The following AXIN1 variants were observed in gnomAD, a reference collection of about 807,000 sequenced individuals.
The protein encoded by AXIN1 is axin-1.
Under a neutral mutation model 76.4 loss-of-function variants are expected in AXIN1, and 30 were observed. The ratio of observed to expected loss-of-function variants is 0.39; its 90% CI spans 0.29 to 0.53. The LOEUF is 0.53. AXIN1 is among the 20% of genes least tolerant of loss of function. The pLI is 0.66. For missense variants in AXIN1, 1,140 were observed against 1,198.8 expected (o/e 0.95, Z 0.72); for synonymous variants, 545 against 501.4 (o/e 1.09, Z -1.16).
intron 2 of AXIN1, among the ~76,000 whole-genome samples, chr16:332,052 T>C (rs950245494): frequency 6.6e-6 from 1 of 152,134 alleles, no homozygotes; most frequent in Non-Finnish European, 1.5e-5. Flanking sequence ...CCACACCTCG[T>C]TAGGGGCTCG....
intron 2 of AXIN1, among the ~76,000 whole-genome samples, chr16:332,373 G>C (rs56364740): frequency 0.18 from 28,029 of 151,938 alleles, 2,970 homozygotes; most frequent in South Asian, 0.34. Flanking sequence ...ATCAGGAGAT[G>C]GAGACCATCC....
At chr16:305,718 G>C (rs1419363307) in intron 4 of AXIN1, among the ~76,000 whole-genome samples, 1 of 151,962 alleles carries the variant, frequency 6.6e-6, no homozygotes, top group Non-Finnish European at 1.5e-5. Flanking sequence ...TAATTTTTTT[G>C]TATTTTTAGT....
Position 293,535 on chromosome 16 carries a change from A to G in AXIN1, c.2139T>C (p.Arg713=), listed in dbSNP as rs2141485209. The G allele has an allele frequency of 6.2e-7, 1 of 1,610,976 alleles. No individual in the cohort carries two copies. Among genetic ancestry groups the G allele is most frequent in the Non-Finnish European group, 8.5e-7 (1 of 1,179,930 alleles). The change falls in exon 8 of 11, where the codon CGT becomes CGC. Residue 713 remains arginine, a synonymous_variant. Transcript: ENST00000262320. This position sits in a 1 kb window ranked among gnomAD's most constrained non-coding sequence, Gnocchi z 4.6. ...TGGCTCTCTTTTCTTCCTCCTCCAG[A>G]CGTCGGCGCGCCTCCTCCAGCTGGG... is the stretch of plus-strand genomic sequence containing the variant. ...PLTQLEEARR[R]LEEEEKRASR...
intron 8 of AXIN1, chr16:292,610 C>A (rs927319884): frequency 1.3e-5 from 2 of 152,224 alleles, no homozygotes; most frequent in Non-Finnish European, 1.5e-5. Flanking sequence ...TGAAGGCAAC[C>A]ATGGCCTCTG....
At chr16:299,459 C>A (rs1480334343) in intron 5 of AXIN1, among the ~76,000 whole-genome samples, 1 of 145,750 alleles carries the variant, frequency 6.9e-6, no homozygotes, top group East Asian at 2.1e-4. Context: ...CTCAAGCAAT[C>A]CTCCTGCCTC....
chr16:340,027 CTTT>C (rs1231102892), intron 2 of AXIN1, among the ~76,000 whole-genome samples: 6 of 151,788 alleles, frequency 4.0e-5, no homozygotes, highest in African/African-American at 7.3e-5. Flanking sequence ...TGGGCCCTTT[CTTT>C]TTCTTCTTCT....
At chr16:304,797 A>C (rs2052974760) in intron 4 of AXIN1, among the ~76,000 whole-genome samples, 1 of 152,118 alleles carries the variant, frequency 6.6e-6, no homozygotes, top group African/African-American at 2.4e-5. Flanking sequence ...AGCCTCCCAA[A>C]GTGCTGGGAT....
chr16:352,526 C>A lies in AXIN1; in HGVS notation c.-239G>T, dbSNP rs2054168516. 1.5e-6 allele frequency: 1 copy of A among 645,914 alleles called. No individual in the cohort carries two copies. Among genetic ancestry groups the A allele is most frequent in the Non-Finnish European group, 1.9e-6 (1 of 522,780 alleles). 40.0% of individuals were successfully genotyped at this position (645,914 alleles called of 1,614,324 possible). A position where few individuals can be genotyped will look rare whatever the true frequency, so the allele number is the denominator to read the frequency against. ...CGGCTGCGGCTCGGCGGCCCGGAGG[C>A]GGACGCGGGGCAGGCCGCGGGGGCG... On this transcript the variant is annotated 5_prime_UTR_variant, in exon 1 of 11. Transcript: ENST00000262320.
intron 4 of AXIN1, among the ~76,000 whole-genome samples, chr16:306,557 G>C (rs925230959): frequency 6.6e-6 from 1 of 152,220 alleles, no homozygotes; most frequent in Non-Finnish European, 1.5e-5. Context: ...TACACAATGA[G>C]AGTAGAAACA....
chr16:299,221 T>C (rs214247), intron 5 of AXIN1: 394,957 of 984,432 alleles, frequency 0.4, 81,171 homozygotes, highest in African/African-American at 0.62. Context: ...GAGCAAACAT[T>C]TGATCACTTT....
At chr16:308,608 G>A (rs1379421699) in intron 4 of AXIN1, among the ~76,000 whole-genome samples, 1 of 152,242 alleles carries the variant, frequency 6.6e-6, no homozygotes, top group African/African-American at 2.4e-5. Flanking sequence ...GCGGGTTCTT[G>A]ACGTTCAGGA....
intron 2 of AXIN1, among the ~76,000 whole-genome samples, chr16:325,136 G>A (rs1309039635): frequency 2.0e-5 from 3 of 151,960 alleles, no homozygotes; most frequent in Non-Finnish European, 4.4e-5. Flanking sequence ...GGAAACCATC[G>A]CCTCAGCCCC....
intron 1 of AXIN1, among the ~76,000 whole-genome samples, chr16:351,297 A>AG (rs756119169): frequency 4.6e-5 from 4 of 86,346 alleles, no homozygotes; most frequent in Non-Finnish European, 8.1e-5. Context: ...TGACATGCAC[A>AG]TAAGAACCCT....
chr16:346,868 T>G lies in AXIN1; in HGVS notation c.158A>C (p.Lys53Thr). The G allele has an allele frequency of 6.2e-7, 1 of 1,613,752 alleles. No homozygotes were observed. Among genetic ancestry groups the G allele is most frequent in the Non-Finnish European group, 8.5e-7 (1 of 1,179,628 alleles). The change falls in exon 2 of 11, where the codon AAA becomes ACA. Residue 53 changes from lysine (K) to threonine (T), a missense_variant. Lys to Thr is a moderately conservative substitution (Grantham distance 78, BLOSUM62 -1). Around this residue, in one of 3 missense-constraint regions of AXIN1, gnomAD observed 708 missense variants for 776.9 expected, o/e 0.91. Transcript: ENST00000262320. ...SFCSGKGVGI[K>T]GETSTATPRR... ...CGGAGTGGCCGTCGAAGTCTCACCT[T>G]TAATGCCAACACCTTTCCCGGAGCA...
intron 2 of AXIN1, among the ~76,000 whole-genome samples, chr16:341,422 G>A (rs764016235): frequency 1.8e-4 from 27 of 152,270 alleles, no homozygotes; most frequent in Non-Finnish European, 2.4e-4. Flanking sequence ...CGGCTGCGGA[G>A]GGTGTGCTGG....
rs1328741594 is a variant in AXIN1, at chr16:293,503, G to A, written c.2171C>T (p.Ala724Val). 9 of 1,609,490 alleles carry A rather than the reference G, an allele frequency of 5.6e-6. No individual in the cohort carries two copies. Among genetic ancestry groups the A allele is most frequent in the Non-Finnish European group, 6.8e-6 (8 of 1,179,946 alleles). The change falls in exon 8 of 11, where the codon GCA becomes GTA. Residue 724 changes from alanine to valine, a missense_variant. By Grantham distance (64) the Ala-to-Val change is moderately conservative. Around this residue, in one of 3 missense-constraint regions of AXIN1, gnomAD observed 429 missense variants for 405.8 expected, o/e 1.06. Transcript: ENST00000262320. The surrounding 1 kb of genome is among the most constrained non-coding windows in gnomAD (Gnocchi z 4.6). ...GCGGCCGTACCTCTGCTTGGAGGGT[G>A]CTCGGCTGGCTCTCTTTTCTTCCTC... is the stretch of plus-strand genomic sequence containing the variant. ...LEEEEKRASRAPSKQRYVQEV... is the reference protein window; with the variant it reads ...LEEEEKRASRVPSKQRYVQEV...
intron 2 of AXIN1, among the ~76,000 whole-genome samples, chr16:338,361 C>G (rs1432023623): frequency 1.3e-5 from 2 of 152,254 alleles, no homozygotes; most frequent in Non-Finnish European, 2.9e-5. Context: ...CAGGTCAGCA[C>G]CAGCACCAGG....
Position 346,155 on chromosome 16 carries a change from C to G in AXIN1, c.871G>C (p.Glu291Gln), listed in dbSNP as rs2141700025. Residue 291 changes from glutamate (E) to glutamine (Q), a missense_variant, in exon 2 of 11, where the codon GAG becomes CAG. By Grantham distance (29) the Glu-to-Gln change is conservative (BLOSUM62 2). Around this residue, in one of 3 missense-constraint regions of AXIN1, gnomAD observed 708 missense variants for 776.9 expected, o/e 0.91. Transcript: ENST00000262320. ...GCCTGGCGTCGGACTCACCTGAACT[C>G]TCTGCCTTCGCTGTACCGTCTACTG... ...SSSRRYSEGR[E>Q]FRYGSWREPV... 1 of 1,613,714 alleles carries G rather than the reference C, an allele frequency of 6.2e-7. No individual in the cohort carries two copies. Among genetic ancestry groups the G allele is most frequent in the Non-Finnish European group, 8.5e-7 (1 of 1,180,040 alleles).
intron 5 of AXIN1, among the ~76,000 whole-genome samples, chr16:303,477 G>C (rs900498600): frequency 2.0e-5 from 3 of 151,990 alleles, no homozygotes; most frequent in Non-Finnish European, 4.4e-5. Flanking sequence ...TGCCTCCTGG[G>C]TTCAAGCGAT....
Sources: allele counts gnomAD v4.1 joint callset (sites outside exome capture counted in the v4.1 genomes callset), GRCh38; gene constraint gnomAD v4.1.1; regional missense constraint gnomAD v4.1.1; non-coding constraint Gnocchi (gnomAD v3.1); transcripts MANE v1.5; gene names NCBI Gene and HGNC (gene_info 2026-07-23, HGNC 2026-07-21).